PRKAA1: variants seen among roughly 807,000 people sequenced by gnomAD.
PRKAA1 encodes the protein protein kinase AMP-activated catalytic subunit alpha 1.
PRKAA1 carries 23 observed loss-of-function variants against 56.9 expected under a neutral mutation model. That is an observed-to-expected ratio of 0.40 (90% CI 0.29 to 0.57). PRKAA1 has a LOEUF of 0.57. PRKAA1 is among the 20% of genes least tolerant of loss of function. The probability of loss-of-function intolerance (pLI) is 0.39; values close to 1 mark genes in which losing one functional copy is unlikely to be tolerated. For missense variants in PRKAA1, 413 were observed against 679.7 expected (o/e 0.61, Z 4.36); for synonymous variants, 226 against 227.0 (o/e 1.00, Z 0.04).
intron 5 of PRKAA1, chr5:40,769,000 T>A: frequency 8.7e-7 from 1 of 1,146,200 alleles, no homozygotes; most frequent in Non-Finnish European, 1.3e-6. Context: ...TCAGCCCAGT[T>A]CCCCAAGACA....
At chr5:40,797,274 T>C (rs542233882) in intron 1 of PRKAA1, among the ~76,000 whole-genome samples, 2 of 152,258 alleles carry the variant, frequency 1.3e-5, no homozygotes, top group South Asian at 4.1e-4. Flanking sequence ...AGAATACAAA[T>C]AACCTTTGAA....
Position 40,760,858 on chromosome 5 carries a change from T to C in PRKAA1, c.*1920A>G, listed in dbSNP as rs1743155779. 2 of 152,298 alleles carry C rather than the reference T, an allele frequency of 1.3e-5. No homozygotes were observed. Among genetic ancestry groups the C allele is most frequent in the Admixed American group, 6.5e-5 (1 of 15,270 alleles). The allele number at this position is 152,298 out of a possible 1,614,324, so 9.4% of individuals were successfully genotyped here. A position where few individuals can be genotyped will look rare whatever the true frequency, so the allele number is the denominator to read the frequency against. On this transcript the variant is annotated 3_prime_UTR_variant, in exon 9 of 9. Coordinates refer to ENST00000397128, the MANE Select transcript of PRKAA1 (RefSeq NM_006251.6). ...AATATGATTCTTAAAATAGAAAAAA[T>C]ATAGCTCTGTTGCAATGGGAAAATG...
chr5:40,792,908 C>CA lies in PRKAA1; in HGVS notation c.127+5154dup, dbSNP rs35847707. Among the ~76,000 whole-genome samples the CA allele has an allele frequency of 6.7e-3, 983 of 146,208 alleles. 9 individuals are homozygous for CA. Among genetic ancestry groups the CA allele is most frequent in the East Asian group, 0.03 (153 of 5,028 alleles). On this transcript the variant is annotated intron_variant, in intron 1 of 8. Coordinates refer to ENST00000397128, the MANE Select transcript of PRKAA1 (RefSeq NM_006251.6). Reference sequence around the variant, plus strand: ...TGAAACCCCATCTCTACTAAAAATACAAAAAAAAAATAGCTGGGCGTAGTG... The same window carrying CA: ...TGAAACCCCATCTCTACTAAAAATACAAAAAAAAAAATAGCTGGGCGTAGTG...
intron 8 of PRKAA1, chr5:40,764,224 G>T (rs189817964): frequency 1.9e-5 from 4 of 206,200 alleles, no homozygotes; most frequent in Admixed American, 5.5e-5. Context: ...TTATCAAAAT[G>T]AACTACACCA....
In PRKAA1 at chr5:40,779,484, C is replaced by G. The variant is rs779575646; in HGVS notation, c.128-1898G>C. ...AATAGGCACTAATAACATATTTTTG[C>G]AAGCATAAATACTCAGGTATACTAA... is the stretch of plus-strand genomic sequence containing the variant. On this transcript the variant is annotated intron_variant, in intron 1 of 8. Transcript: ENST00000397128. 5.3e-5 allele frequency among the ~76,000 whole-genome samples: 8 copies of G among 152,198 alleles called. 1 individual carries two copies. In the South Asian group the frequency reaches 1.0e-3, roughly 20 times the overall value.
At chr5:40,768,906 G>A in intron 5 of PRKAA1, 1 of 1,559,952 alleles carries the variant, frequency 6.4e-7, no homozygotes, top group Non-Finnish European at 8.7e-7. Context: ...TTAGTAAATT[G>A]AGAGGTTAAA....
intron 3 of PRKAA1, among the ~76,000 whole-genome samples, chr5:40,774,636 A>G (rs1470970887): frequency 6.6e-6 from 1 of 151,026 alleles, no homozygotes; most frequent in Admixed American, 6.6e-5. Flanking sequence ...AAGAAATAGT[A>G]AAATCAAAAT....
intron 6 of PRKAA1, 27 bp from the exon 7 acceptor site, chr5:40,765,265 G>A: frequency 6.3e-7 from 1 of 1,582,592 alleles, no homozygotes; most frequent in Non-Finnish European, 8.6e-7. Context: ...AGGATCAGGA[G>A]AAGGACTTTG....
At chr5:40,776,344 C>T (rs1744004180) in intron 2 of PRKAA1, among the ~76,000 whole-genome samples, 1 of 152,138 alleles carries the variant, frequency 6.6e-6, no homozygotes, top group Admixed American at 6.5e-5. Flanking sequence ...GTGGGAAGAG[C>T]AGGTTTGGGA....
intron 1 of PRKAA1, among the ~76,000 whole-genome samples, chr5:40,795,255 G>A (rs979436236): frequency 1.3e-5 from 2 of 151,980 alleles, no homozygotes; most frequent in African/African-American, 4.8e-5. Flanking sequence ...GTGGGAGAGG[G>A]GTGAGGGATA....
At chr5:40,778,231 T>C (rs1246549023) in intron 1 of PRKAA1, among the ~76,000 whole-genome samples, 1 of 152,184 alleles carries the variant, frequency 6.6e-6, no homozygotes, top group Admixed American at 6.5e-5. Context: ...TCTGGGGTGA[T>C]GATTGAGACT....
rs994343891 is a variant in PRKAA1 at position 40,775,316 on chromosome 5, T to C, written c.363+94A>G. ...ATGACTAAGGGAACTGGTTATTAAA[T>C]AGACCTCTTAAAATTGGTTGCTGAC... On this transcript the variant is annotated intron_variant, in intron 3 of 8. Transcript: ENST00000397128. 4.9e-5 allele frequency: 45 copies of C among 910,324 alleles called. No homozygotes were observed. Among genetic ancestry groups the C allele is most frequent in the Non-Finnish European group, 7.6e-5 (42 of 554,182 alleles). The allele number at this position is 910,324 out of a possible 1,614,324, so 56.4% of individuals were successfully genotyped here.
rs1368016689 is a variant in PRKAA1, at chr5:40,759,894, G to A, written c.*2884C>T. ...GATATGATATATTAAGCTCCCATAT[G>A]CCCCAACCTGGTAGAAAAGTTCCTC... On this transcript the variant is annotated 3_prime_UTR_variant, in exon 9 of 9. Transcript: ENST00000397128. 1.3e-5 allele frequency: 2 copies of A among 152,408 alleles called. No homozygotes were observed. Among genetic ancestry groups the A allele is most frequent in the Non-Finnish European group, 2.9e-5 (2 of 68,016 alleles). The allele number at this position is 152,408 out of a possible 1,614,324, so 9.4% of individuals were successfully genotyped here. A position where few individuals can be genotyped will look rare whatever the true frequency, so the allele number is the denominator to read the frequency against.
At chr5:40,786,229 T>C (rs1273247152) in intron 1 of PRKAA1, among the ~76,000 whole-genome samples, 1 of 141,166 alleles carries the variant, frequency 7.1e-6, no homozygotes, top group Non-Finnish European at 1.5e-5. Flanking sequence ...CACTCTATTC[T>C]GGGTGACAGA....
chr5:40,794,255 AT>A (rs1744834442), intron 1 of PRKAA1, among the ~76,000 whole-genome samples: 1 of 152,098 alleles, frequency 6.6e-6, no homozygotes, highest in Admixed American at 6.5e-5. Context: ...GATGCTGAGC[AT>A]TTTTTCATGT....
At chr5:40,781,355 G>A (rs1483725680) in intron 1 of PRKAA1, among the ~76,000 whole-genome samples, 1 of 152,066 alleles carries the variant, frequency 6.6e-6, no homozygotes, top group Non-Finnish European at 1.5e-5. Context: ...CCTTTCTCAG[G>A]AACCTACTGG....
chr5:40,798,339 C>T lies in PRKAA1; in HGVS notation c.-150G>A, dbSNP rs549176796. On this transcript the variant is annotated 5_prime_UTR_variant, in exon 1 of 9. Transcript: ENST00000397128. ...GCAGCCTACGTCGGGCGCAGACGCT[C>T]CCCCTGGCGGGGCGGGCGGGGGCTG... The T allele has an allele frequency of 1.6e-5, 6 of 371,876 alleles. No individual in the cohort carries two copies. The highest frequency in any genetic ancestry group is 2.7e-5 in the Non-Finnish European group (6 of 221,622). 23.0% of individuals were successfully genotyped at this position (371,876 alleles called of 1,614,324 possible). A position where few individuals can be genotyped will look rare whatever the true frequency, so the allele number is the denominator to read the frequency against.
At chr5:40,773,941 G>C (rs1296367873) in intron 3 of PRKAA1, among the ~76,000 whole-genome samples, 1 of 152,244 alleles carries the variant, frequency 6.6e-6, no homozygotes, top group Non-Finnish European at 1.5e-5. Context: ...TAACTAGTGA[G>C]ACTTGCATCT....
rs755206740 is a variant in PRKAA1 at position 40,777,570 on chromosome 5, C to A, written c.144G>T (p.Leu48Phe). 8.7e-6 allele frequency: 14 copies of A among 1,609,948 alleles called. No homozygotes were observed. The highest frequency in any genetic ancestry group is 1.0e-5 in the Non-Finnish European group (12 of 1,177,780). The change falls in exon 2 of 9, where the codon TTG becomes TTT. Residue 48 changes from leucine to phenylalanine, a missense_variant. Physicochemically the swap from Leu to Phe is conservative, Grantham distance 22. Transcript: ENST00000397128. ...FGKVKVGKHE[L>F]TGHKVAVKIL... is the part of the protein sequence containing the mutation. ...TCTTCACAGCTACTTTATGCCCAGT[C>A]AATTCATGTTTGCCAACTGTAAAAG... is the stretch of plus-strand genomic sequence containing the variant.
Sources: gnomAD v4.1 joint callset for allele counts (sites outside exome capture counted in the v4.1 genomes callset) on GRCh38, gnomAD v4.1.1 for gene constraint, MANE v1.5 for transcripts, NCBI Gene and HGNC (gene_info 2026-07-23, HGNC 2026-07-21) for gene names.